PIK3R4: variants seen among roughly 807,000 people sequenced by gnomAD.
The protein encoded by PIK3R4 is phosphoinositide-3-kinase regulatory subunit 4.
A neutral mutation model predicts 136.5 loss-of-function variants in PIK3R4; 46 were observed. The observed-to-expected ratio is 0.34, with a 90% CI of 0.27 to 0.43. The LOEUF (loss-of-function observed/expected upper bound fraction) is 0.43. Ranked by LOEUF, PIK3R4 falls within the 20% of genes least tolerant of loss-of-function variation. The pLI, the probability that PIK3R4 is intolerant of heterozygous loss-of-function variation, is 1.00. For missense variants in PIK3R4, 1,331 were observed against 1,649.5 expected (o/e 0.81, Z 3.35); for synonymous variants, 557 against 566.7 (o/e 0.98, Z 0.24).
intron 2 of PIK3R4, among the ~76,000 whole-genome samples, chr3:130,736,500 T>C (rs911606672): frequency 1.3e-5 from 2 of 151,724 alleles, no homozygotes; most frequent in Non-Finnish European, 2.9e-5. Flanking sequence ...ACCCAGGAGA[T>C]GAGGTAGAGA....
At chr3:130,720,912 T>C (rs78609802) in intron 7 of PIK3R4, among the ~76,000 whole-genome samples, 31,306 of 152,038 alleles carry the variant, frequency 0.21, 3,490 homozygotes, top group South Asian at 0.36. Flanking sequence ...TGGCACATGC[T>C]TGTGGTCCCA....
chr3:130,744,381 A>G, intron 2 of PIK3R4, 105 bp downstream of exon 2: 1 of 1,271,968 alleles, frequency 7.9e-7, no homozygotes, highest in Non-Finnish European at 1.1e-6. Flanking sequence ...GGACAAACCA[A>G]GACATTAACT....
chr3:130,684,667 A>G (rs926042782), intron 15 of PIK3R4, among the ~76,000 whole-genome samples: 6 of 152,250 alleles, frequency 3.9e-5, no homozygotes, highest in African/African-American at 1.4e-4. Context: ...TAATTGCCGA[A>G]GGCACCCACA....
At chr3:130,741,891 G>A (rs1040812477) in intron 2 of PIK3R4, among the ~76,000 whole-genome samples, 2 of 152,214 alleles carry the variant, frequency 1.3e-5, no homozygotes, top group East Asian at 1.9e-4. Flanking sequence ...CTGGACCAGA[G>A]GCAGAATATA....
At position 130,716,468 on chromosome 3, in the gene PIK3R4, A is replaced by T; in HGVS notation, c.2259T>A (p.Asn753Lys). The T allele has an allele frequency of 6.2e-7, 1 of 1,614,184 alleles. No homozygotes were observed. Among genetic ancestry groups the T allele is most frequent in the Non-Finnish European group, 8.5e-7 (1 of 1,180,012 alleles). ...RHLHMRQKKR[N>K]GSLPDCPPPE... The stretch of plus-strand genomic sequence containing the variant: ...GCGGAGGGCAGTCGGGAAGAGAACC[A>T]TTTCGTTTCTTCTGACGCATGTGAA... The change falls in exon 9 of 20, where the codon AAT (asparagine) becomes AAA (lysine). Residue 753 changes from asparagine to lysine, a missense_variant. Coordinates refer to ENST00000356763, the MANE Select transcript of PIK3R4 (RefSeq NM_014602.3).
chr3:130,701,983 T>A (rs573663808), intron 13 of PIK3R4, among the ~76,000 whole-genome samples: 163 of 150,288 alleles, frequency 1.1e-3, no homozygotes, highest in African/African-American at 3.0e-3. Context: ...AAAAAAAAAA[T>A]TTTTTTAATT....
At chr3:130,740,929 TG>T (rs767011770) in intron 2 of PIK3R4, among the ~76,000 whole-genome samples, 8 of 152,174 alleles carry the variant, frequency 5.3e-5, no homozygotes, top group Admixed American at 2.0e-4. Flanking sequence ...GGTGTTCCTT[TG>T]TTCTATTTTT....
chr3:130,701,390 T>C (rs1177155313), intron 13 of PIK3R4, among the ~76,000 whole-genome samples: 1 of 151,992 alleles, frequency 6.6e-6, no homozygotes, highest in African/African-American at 2.4e-5. Context: ...CACACGCCTG[T>C]AGTCCCAGCT....
At chr3:130,729,612 A>C (rs1463637673) in intron 5 of PIK3R4, among the ~76,000 whole-genome samples, 1 of 152,200 alleles carries the variant, frequency 6.6e-6, no homozygotes, top group Non-Finnish European at 1.5e-5. Context: ...CTATAACTTC[A>C]AAATTATTCC....
chr3:130,727,058 T>G (rs987369587), intron 6 of PIK3R4, among the ~76,000 whole-genome samples: 3 of 152,192 alleles, frequency 2.0e-5, no homozygotes, highest in African/African-American at 7.2e-5. Flanking sequence ...AACCGGGAAT[T>G]TGAAAGTTTT....
At position 130,680,912 on chromosome 3, in the gene PIK3R4, C is replaced by CCAT. The variant is rs1305691105; in HGVS notation, c.3797+62_3797+64dup. 14 of 835,454 alleles carry CCAT rather than the reference C, an allele frequency of 1.7e-5. No homozygotes were observed. The African/African-American group carries it at 2.1e-4, about 12-fold the overall frequency. The allele number at this position is 835,454 out of a possible 1,614,324, so 51.8% of individuals were successfully genotyped here. A position where few individuals can be genotyped will look rare whatever the true frequency, so the allele number is the denominator to read the frequency against. On this transcript the variant is annotated intron_variant, in intron 18 of 19. Coordinates refer to ENST00000356763, the MANE Select transcript of PIK3R4 (RefSeq NM_014602.3). ...TAAGATGATTTTAAACATTACAGTG[C>CCAT]CATCAGTATCTATAATAACAGCTTG...
chr3:130,710,501 CCT>C (rs1319049584), intron 9 of PIK3R4, among the ~76,000 whole-genome samples: 2 of 151,898 alleles, frequency 1.3e-5, no homozygotes, highest in African/African-American at 2.4e-5. Context: ...GAGAGTTTTC[CCT>C]CTGATATGAG....
chr3:130,681,107 G>A (rs758974468), intron 17 of PIK3R4, 42 bp from the exon 18 acceptor site: 7 of 1,061,680 alleles, frequency 6.6e-6, no homozygotes, highest in Non-Finnish European at 8.9e-6. Flanking sequence ...AGACATCCGT[G>A]TATTCCATAA....
chr3:130,710,484 T>C (rs545256253), intron 9 of PIK3R4, among the ~76,000 whole-genome samples: 1 of 152,226 alleles, frequency 6.6e-6, no homozygotes, highest in East Asian at 1.9e-4. Context: ...TTGAATGGTA[T>C]AATGTCGAGA....
chr3:130,681,000 T>A lies in PIK3R4; in HGVS notation c.3774A>T (p.Thr1258=). The A allele has an allele frequency of 1.3e-6, 2 of 1,570,392 alleles. No homozygotes were observed. The highest frequency in any genetic ancestry group is 1.7e-6 in the Non-Finnish European group (2 of 1,147,152). The change falls in exon 18 of 20, where the codon ACA becomes ACT. Residue 1258 remains threonine (T), a synonymous_variant. Transcript: ENST00000356763. ...SPADGNPILL[T]AGSDMKIRFW... ...ACCTTATTTTCATATCTGAGCCAGC[T>A]GTTAGTAGGATAGGATTTCCATCTG...
At chr3:130,720,437 C>T (rs528042758) in intron 7 of PIK3R4, among the ~76,000 whole-genome samples, 51 of 152,276 alleles carry the variant, frequency 3.3e-4, no homozygotes, top group Admixed American at 1.2e-3. Context: ...TCAGGTGATC[C>T]GCCTGCCTTG....
chr3:130,724,084 GA>G (rs1186348493), intron 6 of PIK3R4, among the ~76,000 whole-genome samples: 3 of 152,168 alleles, frequency 2.0e-5, no homozygotes, highest in South Asian at 4.1e-4. Context: ...CAAAGACCTA[GA>G]AATCAGTCAG....
chr3:130,744,724 A>T lies in PIK3R4; in HGVS notation c.495T>A (p.Thr165=). 6.2e-7 allele frequency: 1 copy of T among 1,614,256 alleles called. No homozygotes were observed. The highest frequency in any genetic ancestry group is 8.5e-7 in the Non-Finnish European group (1 of 1,180,048). The change falls in exon 2 of 20, where the codon ACT becomes ACA. Residue 165 remains threonine, a synonymous_variant. Transcript: ENST00000356763. ...AAGTGGGCTTAAAACTGGCAAAATC[A>T]GTTAGAAGAACCCAATTCCAACTGG... ...MVTSWNWVLL[T]DFASFKPTYL...
rs376618367 is a variant in PIK3R4, at chr3:130,733,713, A to C, written c.1285T>G (p.Ser429Ala). 9.9e-6 allele frequency: 16 copies of C among 1,614,082 alleles called. No homozygotes were observed. The highest frequency in any genetic ancestry group is 5.3e-5 in the African/African-American group (4 of 74,946). The change falls in exon 4 of 20, where the codon TCT becomes GCT. Residue 429 changes from serine to alanine, a missense_variant. Coordinates refer to ENST00000356763, the MANE Select transcript of PIK3R4 (RefSeq NM_014602.3). ...GCTTCAGCCCTCACCCTAGGAACAG[A>C]GTCATTGCTGAAATGCAAAAGATAT... Reference protein sequence around the residue: ...TPYLLHFSNDSVPRVRAEALR... With the variant: ...TPYLLHFSNDAVPRVRAEALR...
Sources: allele counts gnomAD v4.1 joint callset (sites outside exome capture counted in the v4.1 genomes callset), GRCh38; gene constraint gnomAD v4.1.1; transcripts MANE v1.5; gene names NCBI Gene and HGNC (gene_info 2026-07-23, HGNC 2026-07-21).